The following SLC40A1 variants were observed in gnomAD, a reference collection of about 807,000 sequenced individuals.
The protein encoded by SLC40A1 is ferroportin.
A neutral mutation model predicts 53.5 loss-of-function variants in SLC40A1; 16 were observed. The observed-to-expected ratio is 0.30, with a 90% CI of 0.20 to 0.45. The LOEUF (loss-of-function observed/expected upper bound fraction) is 0.45, where lower values mean the gene tolerates loss of function less well. SLC40A1 is among the 20% of genes least tolerant of loss of function. The pLI is 1.00. For synonymous variants in SLC40A1, 247 were observed against 253.2 expected (o/e 0.98, Z 0.23); for missense variants, 545 against 695.4 (o/e 0.78, Z 2.43).
chr2:189,564,256 G>C, intron 6 of SLC40A1, 31 bp from the exon 7 acceptor site: 1 of 1,603,248 alleles, frequency 6.2e-7, no homozygotes, highest in Middle Eastern at 1.7e-4. Flanking sequence ...TATTTTGTTG[G>C]GGAGGACATG....
intron 6 of SLC40A1, among the ~76,000 whole-genome samples, chr2:189,564,723 C>T (rs1383689902): frequency 6.6e-6 from 1 of 152,070 alleles, no homozygotes; most frequent in African/African-American, 2.4e-5. Context: ...GCCTGCAATC[C>T]CAGCTACTTG....
intron 5 of SLC40A1, among the ~76,000 whole-genome samples, chr2:189,567,017 A>G (rs1189348896): frequency 6.6e-6 from 1 of 152,172 alleles, no homozygotes; most frequent in African/African-American, 2.4e-5. Context: ...TACCAAACAA[A>G]AGTGACAAAA....
intron 6 of SLC40A1, among the ~76,000 whole-genome samples, chr2:189,564,477 G>C: frequency 6.6e-6 from 1 of 151,480 alleles, no homozygotes. Context: ...CTTGCTCTTA[G>C]AAATTATACT....
At chr2:189,564,355 T>C (rs2030859358) in intron 6 of SLC40A1, 130 bp from the exon 7 acceptor site, 2 of 692,464 alleles carry the variant, frequency 2.9e-6, no homozygotes. Flanking sequence ...GTAATATGTA[T>C]TTTCTTTTAC....
chr2:189,576,168 G>C (rs2031280141), intron 2 of SLC40A1, among the ~76,000 whole-genome samples: 1 of 152,144 alleles, frequency 6.6e-6, no homozygotes, highest in African/African-American at 2.4e-5. Context: ...CTTATTATGA[G>C]ATTTTAGGCT....
At chr2:189,569,466 C>T (rs1475430784) in intron 5 of SLC40A1, among the ~76,000 whole-genome samples, 7 of 152,244 alleles carry the variant, frequency 4.6e-5, no homozygotes, top group Admixed American at 2.0e-4. Context: ...GAACCCAAGG[C>T]AGCAGGTGGA....
intron 4 of SLC40A1, 87 bp downstream of exon 4, chr2:189,572,759 A>AG (rs1396604088): frequency 2.2e-5 from 21 of 971,836 alleles, no homozygotes; most frequent in Non-Finnish European, 2.9e-5. Context: ...CACTGGCCAA[A>AG]AAAAAAAATA....
rs1196314348 is a variant in SLC40A1, at chr2:189,580,455, G to C, written c.6C>G (p.Thr2=). Residue 2 remains threonine, a synonymous_variant, in exon 1 of 8, where the codon ACC becomes ACG. Coordinates refer to ENST00000261024, the MANE Select transcript of SLC40A1 (RefSeq NM_014585.6). M[T]RAGDHNRQRG... ...TCTGGCGGTTGTGATCTCCCGCCCT[G>C]GTCATGACACTAGGCGACCCCGCTG... The C allele has an allele frequency of 1.2e-5, 20 of 1,613,526 alleles. No homozygotes were observed. Among genetic ancestry groups the C allele is most frequent in the Non-Finnish European group, 1.6e-5 (19 of 1,180,012 alleles).
chr2:189,571,609 A>T, intron 5 of SLC40A1, 106 bp downstream of exon 5: 1 of 1,523,394 alleles, frequency 6.6e-7, no homozygotes, highest in Non-Finnish European at 8.9e-7. Flanking sequence ...TATCATTCTT[A>T]AAAAATACCC....
At chr2:189,575,079 A>T (rs1018605645) in intron 3 of SLC40A1, 82 bp downstream of exon 3, 6 of 1,481,980 alleles carry the variant, frequency 4.0e-6, no homozygotes, top group Non-Finnish European at 3.8e-6. Context: ...TTTCTCTCCT[A>T]GTTTGTTGTT....
At chr2:189,571,247 T>C (rs2031115188) in intron 5 of SLC40A1, among the ~76,000 whole-genome samples, 1 of 152,178 alleles carries the variant, frequency 6.6e-6, no homozygotes, top group Non-Finnish European at 1.5e-5. Context: ...AATAAAATTA[T>C]AGATTATAAC....
At chr2:189,580,363 G>A (rs1162002970) in intron 1 of SLC40A1, 55 bp downstream of exon 1, 27 of 1,569,562 alleles carry the variant, frequency 1.7e-5, no homozygotes, top group Non-Finnish European at 1.8e-5. Context: ...AGAGTTGCTT[G>A]TCTCCAAAGC....
At chr2:189,574,506 G>C (rs898558113) in intron 3 of SLC40A1, among the ~76,000 whole-genome samples, 4 of 152,074 alleles carry the variant, frequency 2.6e-5, no homozygotes, top group African/African-American at 9.7e-5. Flanking sequence ...TATCAACTGA[G>C]CAATTCAAGA....
At chr2:189,570,263 A>G (rs2031085813) in intron 5 of SLC40A1, among the ~76,000 whole-genome samples, 1 of 152,092 alleles carries the variant, frequency 6.6e-6, no homozygotes. Context: ...TTTTATCTAT[A>G]GCTGCTGCAC....
chr2:189,565,853 G>A (rs182700123), intron 5 of SLC40A1, among the ~76,000 whole-genome samples: 43 of 152,216 alleles, frequency 2.8e-4, no homozygotes, highest in Non-Finnish European at 5.0e-4. Flanking sequence ...AATGAATACA[G>A]CAGTGACTCT....
chr2:189,561,589 C>T lies in SLC40A1; in HGVS notation c.*289G>A, dbSNP rs61525883. On this transcript the variant is annotated 3_prime_UTR_variant, in exon 8 of 8. Coordinates refer to ENST00000261024, the MANE Select transcript of SLC40A1 (RefSeq NM_014585.6). ...ATTCACGTGACTAACCACTCTTTTACGTAAGATTGTATCTACTCATGAGAA... is the reference window on the plus strand; with the variant it reads ...ATTCACGTGACTAACCACTCTTTTATGTAAGATTGTATCTACTCATGAGAA... 5 of 360,578 alleles carry T rather than the reference C, an allele frequency of 1.4e-5. No homozygotes were observed. Among genetic ancestry groups the T allele is most frequent in the African/African-American group, 4.2e-5 (2 of 48,096 alleles). 22.3% of individuals were successfully genotyped at this position (360,578 alleles called of 1,614,324 possible).
At chr2:189,569,341 G>A (rs1251325555) in intron 5 of SLC40A1, among the ~76,000 whole-genome samples, 1 of 152,122 alleles carries the variant, frequency 6.6e-6, no homozygotes, top group Non-Finnish European at 1.5e-5. Flanking sequence ...AAGCCTTCCT[G>A]GCCTAGGCCC....
rs1030564012 is a variant in SLC40A1 at position 189,563,653 on chromosome 2, T to C, written c.1333A>G (p.Thr445Ala). 1.2e-6 allele frequency: 2 copies of C among 1,614,048 alleles called. No individual in the cohort carries two copies. The highest frequency in any genetic ancestry group is 1.7e-6 in the Non-Finnish European group (2 of 1,180,002). The change falls in exon 7 of 8, where the codon ACA becomes GCA. Residue 445 changes from threonine (T) to alanine (A), a missense_variant. Physicochemically the swap from Thr to Ala is moderately conservative, Grantham distance 58. Around this residue, in one of 4 missense-constraint regions of SLC40A1, gnomAD observed 234 missense variants for 299.0 expected, o/e 0.78. Transcript: ENST00000261024. Reference sequence around the variant, plus strand: ...ATTATGGGCACAGATTCAGGACTTGTCTCCGGGACAATATTAGCAGAATTA... The same window carrying C: ...ATTATGGGCACAGATTCAGGACTTGCCTCCGGGACAATATTAGCAGAATTA... ...GSNSANIVPE[T>A]SPESVPIISV...
At chr2:189,578,390 T>A in intron 2 of SLC40A1, 1 of 1,002,086 alleles carries the variant, frequency 1.0e-6, no homozygotes, top group South Asian at 4.7e-5. Context: ...ACCTTTCTTG[T>A]GGGACTTTTA....
Sources: allele counts gnomAD v4.1 joint callset (sites outside exome capture counted in the v4.1 genomes callset), GRCh38; gene constraint gnomAD v4.1.1; regional missense constraint gnomAD v4.1.1; transcripts MANE v1.5; gene names NCBI Gene and HGNC (gene_info 2026-07-23, HGNC 2026-07-21).